The following MCM3AP variants were observed in gnomAD, a reference collection of about 807,000 sequenced individuals.
MCM3AP encodes the protein minichromosome maintenance complex component 3 associated protein.
Under a neutral mutation model 184.1 loss-of-function variants are expected in MCM3AP, and 126 were observed. The observed-to-expected ratio is 0.68, with a 90% CI of 0.59 to 0.79. The LOEUF is 0.79. Among genes scored for constraint, MCM3AP ranks in the 30% least tolerant of loss-of-function variants. MCM3AP has a pLI of 0.00. For missense variants in MCM3AP, 2,496 were observed against 2,479.2 expected (o/e 1.01, Z -0.14); for synonymous variants, 1,002 against 979.3 (o/e 1.02, Z -0.43).
chr21:46,253,896 C>T (rs760562413), intron 19 of MCM3AP: 54 of 168,528 alleles, frequency 3.2e-4, no homozygotes, highest in African/African-American at 1.2e-3. Context: ...TGAGCTGTCA[C>T]GAGATCTGGT....
intron 7 of MCM3AP, among the ~76,000 whole-genome samples, chr21:46,273,103 T>C (rs1181985834): frequency 6.6e-6 from 1 of 151,806 alleles, no homozygotes; most frequent in Non-Finnish European, 1.5e-5. Flanking sequence ...GCCGCTCGAG[T>C]AGCTGGGACT....
In MCM3AP at chr21:46,259,103, G is replaced by A; in HGVS notation, c.3582-12C>T. 6.2e-7 allele frequency: 1 copy of A among 1,601,590 alleles called. No individual in the cohort carries two copies. The highest frequency in any genetic ancestry group is 2.2e-5 in the East Asian group (1 of 44,688). On this transcript the variant is annotated splice_polypyrimidine_tract_variant and intron_variant, in intron 15 of 27. Coordinates refer to ENST00000291688, the MANE Select transcript of MCM3AP (RefSeq NM_003906.5). Reference sequence around the variant, plus strand: ...TCTCTACTGCATTCCTAGAAACAGGGCAATCAGCATGGAAGACACTGCACT... The same window carrying A: ...TCTCTACTGCATTCCTAGAAACAGGACAATCAGCATGGAAGACACTGCACT...
Position 46,262,694 on chromosome 21 carries a change from G to A in MCM3AP, c.3336-1283C>T, listed in dbSNP as rs551205458. 6.6e-4 allele frequency among the ~76,000 whole-genome samples: 101 copies of A among 151,914 alleles called. No homozygotes were observed. The Middle Eastern group carries it at 0.014, about 20-fold the overall frequency. Reference sequence around the variant, plus strand: ...TAAAGAAATAAAAAGGAGGCCGGGCGCGGTGGCTCACGCCTGTAATCCCAG... The same window carrying A: ...TAAAGAAATAAAAAGGAGGCCGGGCACGGTGGCTCACGCCTGTAATCCCAG... On this transcript the variant is annotated intron_variant, in intron 13 of 27. Transcript: ENST00000291688.
At position 46,246,949 on chromosome 21, in the gene MCM3AP, T is replaced by G; in HGVS notation, c.4291-63A>C. On this transcript the variant is annotated intron_variant, in intron 20 of 27. Coordinates refer to ENST00000291688, the MANE Select transcript of MCM3AP (RefSeq NM_003906.5). Reference sequence around the variant, plus strand: ...TGGGACGCATCAGCAGTGACTGATCTGCCCCAGAGCAAGTGCAGCCAAAGC... The same window carrying G: ...TGGGACGCATCAGCAGTGACTGATCGGCCCCAGAGCAAGTGCAGCCAAAGC... The G allele has an allele frequency of 2.6e-6, 4 of 1,560,312 alleles. No individual in the cohort carries two copies. The East Asian group carries it at 6.8e-5, about 26-fold the overall frequency.
At position 46,285,459 on chromosome 21, in the gene MCM3AP, GAA is replaced by G. The variant is rs1430730062; in HGVS notation, c.-175_-174del. 3.3e-6 allele frequency: 2 copies of G among 597,876 alleles called. No homozygotes were observed. Among genetic ancestry groups the G allele is most frequent in the Non-Finnish European group, 5.9e-6 (2 of 337,880 alleles). 37.0% of individuals were successfully genotyped at this position (597,876 alleles called of 1,614,324 possible). On this transcript the variant is annotated 5_prime_UTR_variant, in exon 1 of 28. It introduces an in-frame stop codon into an upstream open reading frame of the 5' UTR. Transcript: ENST00000291688. ...CTACAAGTCTAAGAAAAGAATTTTTGAACACTGTCATACTAAAAGGATAACTA... is the reference window on the plus strand; with the variant it reads ...CTACAAGTCTAAGAAAAGAATTTTTGCACTGTCATACTAAAAGGATAACTA...
In MCM3AP at chr21:46,256,808, A is replaced by G. The variant is rs1569063741; in HGVS notation, c.3913T>C (p.Leu1305=). 6.4e-7 allele frequency: 1 copy of G among 1,556,316 alleles called. No individual in the cohort carries two copies. The highest frequency in any genetic ancestry group is 8.7e-7 in the Non-Finnish European group (1 of 1,149,902). ...GCTGACCTGGTGCAGGAGATGCCCA[A>G]TCTCCCTGCATGGCCCAGGTCCAGG... is the stretch of plus-strand genomic sequence containing the variant. ...GLLDLGHAGR[L]GISCTRLRRL... The change falls in exon 17 of 28, where the codon TTG becomes CTG. Residue 1305 remains leucine (L), a synonymous_variant. Coordinates refer to ENST00000291688, the MANE Select transcript of MCM3AP (RefSeq NM_003906.5).
At position 46,277,257 on chromosome 21, in the gene MCM3AP, G is replaced by A. The variant is rs190121308; in HGVS notation, c.1858+270C>T. 1.9e-3 allele frequency among the ~76,000 whole-genome samples: 294 copies of A among 152,128 alleles called. 2 individuals are homozygous for A. The highest frequency in any genetic ancestry group is 6.6e-3 in the African/African-American group (273 of 41,490). On this transcript the variant is annotated intron_variant, in intron 5 of 27. Transcript: ENST00000291688. ...CATAACCTCTGCCCCTCGGAATCCC[G>A]CTCCCTCTACAGACAGGAGCCCATT...
chr21:46,284,485 C>T lies in MCM3AP; in HGVS notation c.802G>A (p.Ala268Thr). ...VLGEPFQASKAGVRQGCEEAV... is the reference protein window; with the variant it reads ...VLGEPFQASKTGVRQGCEEAV... ...TCTTCACACCCCTGCCTGACACCTG[C>T]TTTGCTAGCCTGGAAAGGTTCGCCC... The change falls in exon 1 of 28, where the codon GCA (alanine) becomes ACA (threonine). Residue 268 changes from alanine (A) to threonine (T), a missense_variant. By Grantham distance (58) the Ala-to-Thr change is moderately conservative. Transcript: ENST00000291688. The T allele has an allele frequency of 1.9e-6, 3 of 1,614,190 alleles. No individual in the cohort carries two copies.
chr21:46,280,579 G>A lies in MCM3AP; in HGVS notation c.1444-4C>T, dbSNP rs2081319384. 2 of 1,605,842 alleles carry A rather than the reference G, an allele frequency of 1.2e-6. No homozygotes were observed. The highest frequency in any genetic ancestry group is 1.3e-5 in the African/African-American group (1 of 74,692). Reference sequence around the variant, plus strand: ...TTCTAGCCAGGGCTGCAGATGCCTGGAAAACAGTCCACAACCGCCATGTGT... The same window carrying A: ...TTCTAGCCAGGGCTGCAGATGCCTGAAAAACAGTCCACAACCGCCATGTGT... On this transcript the variant is annotated splice_region_variant and splice_polypyrimidine_tract_variant and intron_variant, in intron 2 of 27. Transcript: ENST00000291688.
chr21:46,246,411 G>A lies in MCM3AP; in HGVS notation c.4550-7C>T, dbSNP rs1299634001. On this transcript the variant is annotated splice_region_variant and splice_polypyrimidine_tract_variant and intron_variant, in intron 21 of 27. Transcript: ENST00000291688. ...AAGTCCTGTAGCATCAGACCTTTAA[G>A]ACAGACATAGATGAAGGTCACTTGC... 1 of 1,559,758 alleles carries A rather than the reference G, an allele frequency of 6.4e-7. No homozygotes were observed. The highest frequency in any genetic ancestry group is 1.4e-5 in the African/African-American group (1 of 73,810).
intron 4 of MCM3AP, among the ~76,000 whole-genome samples, chr21:46,279,541 G>A (rs1948140807): frequency 6.6e-6 from 1 of 152,256 alleles, no homozygotes; most frequent in Admixed American, 6.5e-5. Context: ...TAAGTGAGCA[G>A]CCTCCCCTGG....
In MCM3AP at chr21:46,285,073, T is replaced by C; in HGVS notation, c.214A>G (p.Thr72Ala). 1 of 1,614,170 alleles carries C rather than the reference T, an allele frequency of 6.2e-7. No homozygotes were observed. The highest frequency in any genetic ancestry group is 8.5e-7 in the Non-Finnish European group (1 of 1,180,026). Residue 72 changes from threonine to alanine, a missense_variant, in exon 1 of 28, where the codon ACA (threonine) becomes GCA (alanine). Physicochemically the swap from Thr to Ala is moderately conservative, Grantham distance 58 (BLOSUM62 0). This residue lies in a region of MCM3AP where 800 missense variants were observed against 717.1 expected (regional missense o/e 1.12). Transcript: ENST00000291688. ...CTTGAGGTTTGGGTGAACCCTAATGTTTGCACTGAAGAGGAATGACTTACT... is the reference window on the plus strand; with the variant it reads ...CTTGAGGTTTGGGTGAACCCTAATGCTTGCACTGAAGAGGAATGACTTACT... ...SGVSHSSSVQ[T>A]LGFTQTSSVG...
In MCM3AP at chr21:46,277,624, T is replaced by TGGCCCGA; in HGVS notation, c.1754_1760dup (p.Cys588ArgfsTer16). On this transcript the variant is annotated frameshift_variant, in exon 5 of 28. Transcript: ENST00000291688. LOFTEE classifies it high-confidence loss of function. ...TCAGGGTACTGAGGGAGAGCACACA[T>TGGCCCGA]GGCCCGAGGCCCTCGGAGCCCTCGG... is the stretch of plus-strand genomic sequence containing the variant. The TGGCCCGA allele has an allele frequency of 1.2e-6, 2 of 1,612,662 alleles. No individual in the cohort carries two copies. The highest frequency in any genetic ancestry group is 1.7e-6 in the Non-Finnish European group (2 of 1,179,396).
At chr21:46,243,105 C>T in intron 24 of MCM3AP, 174 bp from the exon 25 acceptor site, 1 of 635,796 alleles carries the variant, frequency 1.6e-6, no homozygotes, top group Non-Finnish European at 2.7e-6. Context: ...TAAAGTCACA[C>T]AATTATGTGA....
chr21:46,243,444 A>C (rs1324586756), intron 24 of MCM3AP, 21 bp downstream of exon 24: 1 of 1,583,322 alleles, frequency 6.3e-7, no homozygotes, highest in Non-Finnish European at 8.6e-7. Context: ...AGCTGATCCC[A>C]TTGCATCAAG....
In MCM3AP at chr21:46,284,941, T is replaced by C. The variant is rs145783044; in HGVS notation, c.346A>G (p.Thr116Ala). 2.5e-5 allele frequency: 41 copies of C among 1,614,014 alleles called. No homozygotes were observed. The African/African-American group carries it at 3.5e-4, about 14-fold the overall frequency. ...GTGCTTGGGAAAGCCCCAACACTGG[T>C]GGGTGATTTAAAACTAAATCCTGTG... ...GNTGFSFKSP[T>A]SVGAFPSTSA... The change falls in exon 1 of 28, where the codon ACC (threonine) becomes GCC (alanine). Residue 116 changes from threonine to alanine, a missense_variant. This residue lies in a region of MCM3AP where 800 missense variants were observed against 717.1 expected (regional missense o/e 1.12). Transcript: ENST00000291688.
chr21:46,261,096 C>T (rs572168272), intron 14 of MCM3AP, among the ~76,000 whole-genome samples, 184 bp downstream of exon 14: 33 of 152,264 alleles, frequency 2.2e-4, no homozygotes, highest in African/African-American at 6.3e-4. Flanking sequence ...CCACTGCTCA[C>T]GGGTAGGTGT....
rs1455396581 is a variant in MCM3AP at position 46,261,341 on chromosome 21, C to T, written c.3406G>A (p.Glu1136Lys). Reference protein sequence around the residue: ...TTGILRHIAAEEVSKERERRE... With the variant: ...TTGILRHIAAKEVSKERERRE... ...CGCTCTCTTTCCTTAGACACTTCTT[C>T]AGCTGCAATGTGCCTCAAAATGCCC... The change falls in exon 14 of 28, where the codon GAA (glutamate) becomes AAA (lysine). Residue 1136 changes from glutamate (E) to lysine (K), a missense_variant. Coordinates refer to ENST00000291688, the MANE Select transcript of MCM3AP (RefSeq NM_003906.5). 6.2e-7 allele frequency: 1 copy of T among 1,614,182 alleles called. No homozygotes were observed. Among genetic ancestry groups the T allele is most frequent in the South Asian group, 1.1e-5 (1 of 91,088 alleles).
intron 13 of MCM3AP, among the ~76,000 whole-genome samples, chr21:46,261,869 CACA>C (rs1408579188): frequency 6.6e-6 from 1 of 152,032 alleles, no homozygotes; most frequent in Non-Finnish European, 1.5e-5. Context: ...ACTTTTTGAG[CACA>C]ACATGTCATG....
Sources: allele counts gnomAD v4.1 joint callset (sites outside exome capture counted in the v4.1 genomes callset), GRCh38; gene constraint gnomAD v4.1.1; regional missense constraint gnomAD v4.1.1; transcripts MANE v1.5; gene names NCBI Gene and HGNC (gene_info 2026-07-23, HGNC 2026-07-21).